The following C14orf119 variants were observed in gnomAD, a reference collection of about 807,000 sequenced individuals.
C14orf119 encodes the protein chromosome 14 open reading frame 119, also known as uncharacterized protein C14orf119.
In C14orf119, 17 loss-of-function variants were observed where a neutral mutation model predicts 13.5. The observed-to-expected ratio is 1.26, with a 90% confidence interval of 0.86 to 1.88. C14orf119 has a LOEUF of 1.88. Ranked by LOEUF, C14orf119 falls within the 40% of genes most tolerant of loss-of-function variation. The pLI is 0.00. For synonymous variants in C14orf119, 61 were observed against 61.9 expected (o/e 0.99, Z 0.07); for missense variants, 162 against 165.9 (o/e 0.98, Z 0.13).
Position 23,099,310 on chromosome 14 carries a change from AC to A in C14orf119, c.*1232del. 2.4e-6 allele frequency: 1 copy of A among 413,346 alleles called. No homozygotes were observed. The highest frequency in any genetic ancestry group is 4.4e-6 in the Non-Finnish European group (1 of 226,136). The allele number at this position is 413,346 out of a possible 1,614,324, so 25.6% of individuals were successfully genotyped here. The stretch of plus-strand genomic sequence containing the variant: ...CACCTCCCTTATTCCTCTAACTGGG[AC>A]CCTTGTGCTGTGGAGCTCTGGTGAA... On this transcript the variant is annotated 3_prime_UTR_variant, in exon 2 of 2. Transcript: ENST00000319074.
Position 23,097,929 on chromosome 14 carries a change from A to G in C14orf119, c.271A>G (p.Ile91Val), listed in dbSNP as rs141224665. Reference protein sequence around the residue: ...SVSGADRPPSIFECQLHLWDQ... With the variant: ...SVSGADRPPSVFECQLHLWDQ... ...GTCTGGGGCAGACCGACCACCTTCT[A>G]TCTTTGAGTGCCAGCTACATCTTTG... The change falls in exon 2 of 2, where the codon ATC becomes GTC. Residue 91 changes from isoleucine (I) to valine (V), a missense_variant. Ile to Val is a conservative substitution (Grantham distance 29). Transcript: ENST00000319074. 3.6e-5 allele frequency: 58 copies of G among 1,614,018 alleles called. No homozygotes were observed. The highest frequency in any genetic ancestry group is 5.5e-5 in the South Asian group (5 of 91,090).
chr14:23,098,144 C>A lies in C14orf119; in HGVS notation c.*63C>A. ...GAGCCATGACTCTCTACAATGATAA[C>A]TCAATTCAAATGTGTCGCCTAAAGC... On this transcript the variant is annotated 3_prime_UTR_variant, in exon 2 of 2. Coordinates refer to ENST00000319074, the MANE Select transcript of C14orf119 (RefSeq NM_017924.4). 6.5e-7 allele frequency: 1 copy of A among 1,536,428 alleles called. No individual in the cohort carries two copies. The highest frequency in any genetic ancestry group is 8.9e-7 in the Non-Finnish European group (1 of 1,129,236).
In C14orf119 at chr14:23,098,711, G is replaced by T; in HGVS notation, c.*630G>T. On this transcript the variant is annotated 3_prime_UTR_variant, in exon 2 of 2. Transcript: ENST00000319074. ...TGTCACTTAAGTTTGGAGTGCAGTG[G>T]CATGATCATCAGTGAGCGTGAGATC... The T allele has an allele frequency of 6.0e-6, 1 of 167,934 alleles. No homozygotes were observed. The highest frequency in any genetic ancestry group is 2.0e-4 in the South Asian group (1 of 4,924). 10.4% of individuals were successfully genotyped at this position (167,934 alleles called of 1,614,324 possible).
intron 1 of C14orf119, among the ~76,000 whole-genome samples, chr14:23,096,557 A>G (rs2140275241): frequency 6.9e-6 from 1 of 145,458 alleles, no homozygotes; most frequent in African/African-American, 2.6e-5. Context: ...AATAGATACC[A>G]TACTAAAAAA....
chr14:23,096,434 G>C (rs1488937317), intron 1 of C14orf119, among the ~76,000 whole-genome samples: 2 of 140,514 alleles, frequency 1.4e-5, no homozygotes, highest in Non-Finnish European at 3.0e-5. Context: ...CAGGAGAATC[G>C]CTTGAACCCA....
intron 1 of C14orf119, among the ~76,000 whole-genome samples, chr14:23,096,685 T>C (rs1308387987): frequency 4.6e-5 from 7 of 151,724 alleles, no homozygotes; most frequent in Non-Finnish European, 1.0e-4. Flanking sequence ...CAGGTGATGC[T>C]CCTACCTCAG....
Position 23,100,299 on chromosome 14 carries a change from A to C in C14orf119, c.*2218A>C, listed in dbSNP as rs1395904499. 2.5e-6 allele frequency: 1 copy of C among 398,986 alleles called. No homozygotes were observed. The highest frequency in any genetic ancestry group is 4.6e-6 in the Non-Finnish European group (1 of 217,642). The allele number at this position is 398,986 out of a possible 1,614,324, so 24.7% of individuals were successfully genotyped here. On this transcript the variant is annotated 3_prime_UTR_variant, in exon 2 of 2. Coordinates refer to ENST00000319074, the MANE Select transcript of C14orf119 (RefSeq NM_017924.4). ...GTGGGGGGAGGGGACTAAGATCCCT[A>C]TGTCCTAGAGATGGGGGAATGTGTT...
At chr14:23,095,796 G>A (rs1393134460) in intron 1 of C14orf119, among the ~76,000 whole-genome samples, 177 bp downstream of exon 1, 1 of 152,154 alleles carries the variant, frequency 6.6e-6, no homozygotes, top group Non-Finnish European at 1.5e-5. Flanking sequence ...GTGCGGAATC[G>A]GAATAACAAG....
In C14orf119 at chr14:23,097,823, A is replaced by G. The variant is rs1009465775; in HGVS notation, c.165A>G (p.Glu55=). The change falls in exon 2 of 2, where the codon GAA becomes GAG. Residue 55 remains glutamate, a synonymous_variant. Coordinates refer to ENST00000319074, the MANE Select transcript of C14orf119 (RefSeq NM_017924.4). ...WFANWSGPQR[E]RFLEDLVAKA... is the part of the protein sequence containing the mutation. ...CCAATTGGTCAGGTCCCCAGCGTGAACGTTTCCTAGAGGACCTGGTAGCTA... is the reference window on the plus strand; with the variant it reads ...CCAATTGGTCAGGTCCCCAGCGTGAGCGTTTCCTAGAGGACCTGGTAGCTA... 1.2e-6 allele frequency: 2 copies of G among 1,614,106 alleles called. No homozygotes were observed. Among genetic ancestry groups the G allele is most frequent in the Non-Finnish European group, 1.7e-6 (2 of 1,180,040 alleles).
rs1329076429 is a variant in C14orf119, at chr14:23,099,555, A to AC, written c.*1476dup. 2 of 352,138 alleles carry AC rather than the reference A, an allele frequency of 5.7e-6. No homozygotes were observed. The highest frequency in any genetic ancestry group is 9.9e-6 in the Non-Finnish European group (2 of 201,122). 21.8% of individuals were successfully genotyped at this position (352,138 alleles called of 1,614,324 possible). On this transcript the variant is annotated 3_prime_UTR_variant, in exon 2 of 2. Coordinates refer to ENST00000319074, the MANE Select transcript of C14orf119 (RefSeq NM_017924.4). ...TAGCCTTAGTAGATAAAGCGGCATT[A>AC]CCTTTTTTTTTTTTTTTTTTTGGAG...
At position 23,099,557 on chromosome 14, in the gene C14orf119, CTTTT is replaced by C. The variant is rs11372755; in HGVS notation, c.*1492_*1495del. The C allele has an allele frequency of 2.9e-3, 883 of 307,026 alleles. No homozygotes were observed. Among genetic ancestry groups the C allele is most frequent in the East Asian group, 3.4e-3 (73 of 21,206 alleles). The allele number at this position is 307,026 out of a possible 1,614,324, so 19.0% of individuals were successfully genotyped here. A position where few individuals can be genotyped will look rare whatever the true frequency, so the allele number is the denominator to read the frequency against. ...GCCTTAGTAGATAAAGCGGCATTACCTTTTTTTTTTTTTTTTTTTGGAGACAAGG... is the reference window on the plus strand; with the variant it reads ...GCCTTAGTAGATAAAGCGGCATTACCTTTTTTTTTTTTTTTGGAGACAAGG... On this transcript the variant is annotated 3_prime_UTR_variant, in exon 2 of 2. Coordinates refer to ENST00000319074, the MANE Select transcript of C14orf119 (RefSeq NM_017924.4).
At position 23,097,680 on chromosome 14, in the gene C14orf119, T is replaced by C; in HGVS notation, c.22T>C (p.Ser8Pro). The C allele has an allele frequency of 6.2e-7, 1 of 1,613,930 alleles. No individual in the cohort carries two copies. Among genetic ancestry groups the C allele is most frequent in the Non-Finnish European group, 8.5e-7 (1 of 1,179,796 alleles). Reference sequence around the variant, plus strand: ...CAGGATGCCACTGGAGTCATCCTCTTCAATGCCACTATCCTTCCCATCTCT... The same window carrying C: ...CAGGATGCCACTGGAGTCATCCTCTCCAATGCCACTATCCTTCCCATCTCT... The part of the protein sequence containing the change: MPLESSS[S>P]MPLSFPSLLP... Residue 8 changes from serine (S) to proline (P), a missense_variant, in exon 2 of 2, where the codon TCA becomes CCA. Coordinates refer to ENST00000319074, the MANE Select transcript of C14orf119 (RefSeq NM_017924.4).
rs557223383 is a variant in C14orf119 at position 23,095,547 on chromosome 14, T to C, written c.-74T>C. On this transcript the variant is annotated 5_prime_UTR_variant, in exon 1 of 2. Coordinates refer to ENST00000319074, the MANE Select transcript of C14orf119 (RefSeq NM_017924.4). The stretch of plus-strand genomic sequence containing the variant: ...CCCAGCTTAGGGTTTTCAGGAAATT[T>C]GGAAGCTGCCGCAGTAGTTGGAGTC... 11 of 486,576 alleles carry C rather than the reference T, an allele frequency of 2.3e-5. No homozygotes were observed. The Admixed American group carries it at 2.7e-4, about 12-fold the overall frequency. 30.1% of individuals were successfully genotyped at this position (486,576 alleles called of 1,614,324 possible).
At chr14:23,096,233 G>A (rs2048369383) in intron 1 of C14orf119, among the ~76,000 whole-genome samples, 3 of 152,320 alleles carry the variant, frequency 2.0e-5, no homozygotes, top group South Asian at 2.1e-4. Flanking sequence ...TCAGTGGCAA[G>A]GTGCCGGGCG....
In C14orf119 at chr14:23,098,115, G is replaced by C. The variant is rs1419523900; in HGVS notation, c.*34G>C. 3 of 1,588,290 alleles carry C rather than the reference G, an allele frequency of 1.9e-6. No individual in the cohort carries two copies. The Admixed American group carries it at 5.1e-5, about 27-fold the overall frequency. ...CAGACCAAAGAAGATAACCATAGCT[G>C]ATGGAGCCATGACTCTCTACAATGA... On this transcript the variant is annotated 3_prime_UTR_variant, in exon 2 of 2. Transcript: ENST00000319074.
Position 23,097,165 on chromosome 14 carries a change from C to A in C14orf119, c.-1-493C>A, listed in dbSNP as rs369809643. On this transcript the variant is annotated intron_variant, in intron 1 of 1. Transcript: ENST00000319074. ...ATATGCACATTGAAGGCTCTTTCATCATAAATAATGTTTTTTCTTTCTTCC... is the reference window on the plus strand; with the variant it reads ...ATATGCACATTGAAGGCTCTTTCATAATAAATAATGTTTTTTCTTTCTTCC... Among the ~76,000 whole-genome samples, 194 of 109,234 alleles carry A rather than the reference C, an allele frequency of 1.8e-3. 1 individual carries two copies. Among genetic ancestry groups the A allele is most frequent in the African/African-American group, 5.1e-3 (189 of 37,386 alleles). The allele number at this position is 109,234 out of a possible 152,430, so 71.7% of individuals were successfully genotyped here. A position where few individuals can be genotyped will look rare whatever the true frequency, so the allele number is the denominator to read the frequency against.
At chr14:23,097,411 CAGTG>C (rs1270495330) in intron 1 of C14orf119, among the ~76,000 whole-genome samples, 5 of 152,030 alleles carry the variant, frequency 3.3e-5, no homozygotes, top group Non-Finnish European at 7.4e-5. Context: ...TGGAGGAAGA[CAGTG>C]GGTGGGGAAG....
chr14:23,098,011 TGGA>T lies in C14orf119; in HGVS notation c.355_357del (p.Glu119del), dbSNP rs767285477. The T allele has an allele frequency of 1.5e-5, 24 of 1,614,184 alleles. 1 individual carries two copies. The South Asian group carries it at 1.8e-4, about 12-fold the overall frequency. ...GAGCGCAATGAATTTGTCAGACAGC[TGGA>T]GTTCAGTGAGCCAGACTTCGTGGCA... On this transcript the variant is annotated inframe_deletion, in exon 2 of 2. Transcript: ENST00000319074.
At position 23,099,106 on chromosome 14, in the gene C14orf119, A is replaced by T. The variant is rs1432972703; in HGVS notation, c.*1025A>T. The T allele has an allele frequency of 2.5e-6, 1 of 406,670 alleles. No homozygotes were observed. The highest frequency in any genetic ancestry group is 4.4e-5 in the Admixed American group (1 of 22,544). The allele number at this position is 406,670 out of a possible 1,614,324, so 25.2% of individuals were successfully genotyped here. On this transcript the variant is annotated 3_prime_UTR_variant, in exon 2 of 2. Coordinates refer to ENST00000319074, the MANE Select transcript of C14orf119 (RefSeq NM_017924.4). Reference sequence around the variant, plus strand: ...ATTTTTGTACCAAAATAAAGAATGGATCTTTAGAACTGTAAAACTTCACCC... The same window carrying T: ...ATTTTTGTACCAAAATAAAGAATGGTTCTTTAGAACTGTAAAACTTCACCC...
Sources: allele counts gnomAD v4.1 joint callset (sites outside exome capture counted in the v4.1 genomes callset), GRCh38; gene constraint gnomAD v4.1.1; transcripts MANE v1.5; gene names NCBI Gene and HGNC (gene_info 2026-07-23, HGNC 2026-07-21).